Variants in EPB41L4A observed in about 807,000 individuals in gnomAD.
EPB41L4A encodes the protein erythrocyte membrane protein band 4.1 like 4A.
In EPB41L4A, 100 loss-of-function variants were observed where a neutral mutation model predicts 108.6. The observed-to-expected ratio is 0.92, with a 90% confidence interval of 0.78 to 1.09. The LOEUF (loss-of-function observed/expected upper bound fraction) is 1.09. Ranked by LOEUF, EPB41L4A falls within the 50% of genes least tolerant of loss-of-function variation. The pLI, the probability that EPB41L4A is intolerant of heterozygous loss-of-function variation, is 0.00. For missense variants in EPB41L4A, 1,030 were observed against 842.7 expected (o/e 1.22, Z -2.75); for synonymous variants, 319 against 289.0 (o/e 1.10, Z -1.05).
Position 112,216,531 on chromosome 5 carries a change from A to C in EPB41L4A, c.1088-6549T>G, listed in dbSNP as rs1284442548. Among the ~76,000 whole-genome samples the C allele has an allele frequency of 2.0e-5, 3 of 152,240 alleles. No individual in the cohort carries two copies. The East Asian group carries it at 5.8e-4, about 29-fold the overall frequency. On this transcript the variant is annotated intron_variant, in intron 12 of 22. Transcript: ENST00000261486. ...AGGTTGTGACATACACTTTCTTTTA[A>C]AAATTCTCAAATATAAATTTATAAA...
At chr5:112,328,066 T>G (rs1303086203) in intron 1 of EPB41L4A, among the ~76,000 whole-genome samples, 1 of 152,118 alleles carries the variant, frequency 6.6e-6, no homozygotes, top group African/African-American at 2.4e-5. Flanking sequence ...TCCCAGCACT[T>G]TGCGAGGCCA....
At chr5:112,150,073 G>C (rs1044956928) in intron 12 of EPB41L4A, among the ~76,000 whole-genome samples, 1 of 152,154 alleles carries the variant, frequency 6.6e-6, no homozygotes, top group Non-Finnish European at 1.5e-5. Flanking sequence ...TGATAAAACA[G>C]GGAGGAAAGT....
intron 12 of EPB41L4A, among the ~76,000 whole-genome samples, chr5:112,157,230 T>C (rs1759682410): frequency 6.6e-6 from 1 of 152,058 alleles, no homozygotes; most frequent in African/African-American, 2.4e-5. Flanking sequence ...TAAACCACCT[T>C]AGAGCAACTG....
At chr5:112,332,192 T>C (rs183525726) in intron 1 of EPB41L4A, among the ~76,000 whole-genome samples, 1 of 152,360 alleles carries the variant, frequency 6.6e-6, no homozygotes, top group East Asian at 1.9e-4. Flanking sequence ...TTAAGGATAG[T>C]GAGAAGAATA....
intron 2 of EPB41L4A, among the ~76,000 whole-genome samples, chr5:112,295,538 T>A (rs1474560683): frequency 1.3e-5 from 2 of 152,160 alleles, no homozygotes; most frequent in Non-Finnish European, 2.9e-5. Context: ...CATTCCCAAT[T>A]TACTGAAAGG....
At chr5:112,417,946 G>A (rs1263387241) in intron 1 of EPB41L4A, among the ~76,000 whole-genome samples, 1 of 152,044 alleles carries the variant, frequency 6.6e-6, no homozygotes, top group African/African-American at 2.4e-5. Flanking sequence ...AAATGCCCAG[G>A]GCCTACCCCA....
In EPB41L4A at chr5:112,259,137, G is replaced by C. The variant is rs567746193; in HGVS notation, c.795+92C>G. On this transcript the variant is annotated intron_variant, in intron 9 of 22. Coordinates refer to ENST00000261486, the MANE Select transcript of EPB41L4A (RefSeq NM_022140.5). ...AACCTGGTTCCATGTGGAAGCAGCTGAAGAAAACATTTCTTCACAATGTCT... is the reference window on the plus strand; with the variant it reads ...AACCTGGTTCCATGTGGAAGCAGCTCAAGAAAACATTTCTTCACAATGTCT... 23 of 995,996 alleles carry C rather than the reference G, an allele frequency of 2.3e-5. No individual in the cohort carries two copies. In the African/African-American group the frequency reaches 3.4e-4, roughly 15 times the overall value. The allele number at this position is 995,996 out of a possible 1,614,324, so 61.7% of individuals were successfully genotyped here.
intron 1 of EPB41L4A, among the ~76,000 whole-genome samples, chr5:112,398,504 T>C (rs1761521545): frequency 6.6e-6 from 1 of 152,192 alleles, no homozygotes; most frequent in Admixed American, 6.5e-5. Context: ...TTCTCATGCC[T>C]CAGCCTTCCG....
chr5:112,374,929 C>A (rs1006155308), intron 1 of EPB41L4A, among the ~76,000 whole-genome samples: 1 of 152,166 alleles, frequency 6.6e-6, no homozygotes, highest in Admixed American at 6.5e-5. Context: ...TTTTTAAAAA[C>A]CACAAGGTGA....
intron 12 of EPB41L4A, among the ~76,000 whole-genome samples, chr5:112,147,715 C>G (rs1406154356): frequency 6.6e-6 from 1 of 151,336 alleles, no homozygotes; most frequent in Admixed American, 6.6e-5. Context: ...AATTACACCC[C>G]CAAAATAAGA....
chr5:112,398,079 A>G (rs1761484590), intron 1 of EPB41L4A, among the ~76,000 whole-genome samples: 1 of 152,260 alleles, frequency 6.6e-6, no homozygotes, highest in Non-Finnish European at 1.5e-5. Context: ...ACAATGATGC[A>G]TAAAACAAGC....
At chr5:112,342,160 T>C (rs1415585338) in intron 1 of EPB41L4A, among the ~76,000 whole-genome samples, 1 of 152,194 alleles carries the variant, frequency 6.6e-6, no homozygotes, top group Non-Finnish European at 1.5e-5. Flanking sequence ...ATAACCATTT[T>C]TATAAAAGAC....
upstream of EPB41L4A, chr5:112,419,633 C>T (rs1408403702): frequency 2.2e-6 from 1 of 455,850 alleles, no homozygotes; most frequent in Non-Finnish European, 4.4e-6. Flanking sequence ...GTGAGGAGCA[C>T]CCACGACGCC....
chr5:112,338,176 C>T (rs370163962), intron 1 of EPB41L4A, among the ~76,000 whole-genome samples: 2 of 152,184 alleles, frequency 1.3e-5, no homozygotes, highest in African/African-American at 2.4e-5. Flanking sequence ...TCTGGCATGA[C>T]ATTTGAAGCT....
At chr5:112,151,206 T>C (rs934024529) in intron 12 of EPB41L4A, among the ~76,000 whole-genome samples, 1 of 151,932 alleles carries the variant, frequency 6.6e-6, no homozygotes, top group Non-Finnish European at 1.5e-5. Flanking sequence ...TGGTAACCCG[T>C]AAAAAAAGTA....
intron 1 of EPB41L4A, among the ~76,000 whole-genome samples, chr5:112,390,725 G>A (rs1760879902): frequency 6.6e-6 from 1 of 152,224 alleles, no homozygotes; most frequent in Non-Finnish European, 1.5e-5. Flanking sequence ...TGAGCTCTGA[G>A]AACGGACAGA....
chr5:112,182,173 CA>C (rs1321676106), intron 18 of EPB41L4A, among the ~76,000 whole-genome samples: 1 of 152,040 alleles, frequency 6.6e-6, no homozygotes, highest in Non-Finnish European at 1.5e-5. Context: ...TCCTGACTGG[CA>C]GGATGGATAG....
At chr5:112,408,652 G>A in intron 1 of EPB41L4A, among the ~76,000 whole-genome samples, 1 of 111,640 alleles carries the variant, frequency 9.0e-6, no homozygotes, top group East Asian at 3.1e-4. Flanking sequence ...AACGAGCCTG[G>A]GCAACATGGT....
At chr5:112,275,463 T>C in intron 3 of EPB41L4A, 59 bp from the exon 4 acceptor site, 3 of 1,450,738 alleles carry the variant, frequency 2.1e-6, no homozygotes, top group African/African-American at 1.4e-5. Flanking sequence ...AAAGTTACAG[T>C]ATAATATTAT....
Sources: gnomAD v4.1 joint callset for allele counts (sites outside exome capture counted in the v4.1 genomes callset) on GRCh38, gnomAD v4.1.1 for gene constraint, MANE v1.5 for transcripts, NCBI Gene and HGNC (gene_info 2026-07-23, HGNC 2026-07-21) for gene names.